DPH6: variants seen among roughly 807,000 people sequenced by gnomAD.
DPH6 encodes diphthine--ammonia ligase.
In DPH6, 33 loss-of-function variants were observed where a neutral mutation model predicts 38.2. The observed-to-expected ratio is 0.86, with a 90% CI of 0.65 to 1.15. DPH6 has a LOEUF of 1.15. Ranked by LOEUF, DPH6 falls within the 50% of genes most tolerant of loss-of-function variation. The probability of loss-of-function intolerance (pLI) is 0.00; values close to 1 mark genes in which losing one functional copy is unlikely to be tolerated. For missense variants in DPH6, 325 were observed against 320.0 expected, an observed-to-expected ratio of 1.02 and a Z score of -0.12; for synonymous variants, 108 against 103.0, an observed-to-expected ratio of 1.05 and a Z score of -0.30.
At chr15:35,537,525 A>G (rs2055188356) in intron 3 of DPH6, among the ~76,000 whole-genome samples, 1 of 152,168 alleles carries the variant, frequency 6.6e-6, no homozygotes, top group Non-Finnish European at 1.5e-5. Context: ...CTTATTAATT[A>G]CCATTTACTG....
At chr15:35,518,429 GA>G (rs573716417) in intron 3 of DPH6, among the ~76,000 whole-genome samples, 73 of 152,002 alleles carry the variant, frequency 4.8e-4, no homozygotes, top group African/African-American at 1.7e-3. Context: ...CCAGATAATT[GA>G]AAAAGTATCC....
In DPH6 at chr15:35,520,199, C is replaced by A. The variant is rs1473908085; in HGVS notation, c.312+18075G>T. The stretch of plus-strand genomic sequence containing the variant: ...ATGACAGCTACAGATCAATCACTCT[C>A]ACGTGAAAGTAAACATGCTACAAAA... On this transcript the variant is annotated intron_variant, in intron 3 of 8. Coordinates refer to ENST00000256538, the MANE Select transcript of DPH6 (RefSeq NM_080650.4). The A allele has an allele frequency of 1.2e-5, 7 of 592,630 alleles. No individual in the cohort carries two copies. The South Asian group carries it at 4.6e-4, about 39-fold the overall frequency. 36.7% of individuals were successfully genotyped at this position (592,630 alleles called of 1,614,324 possible).
intron 6 of DPH6, among the ~76,000 whole-genome samples, chr15:35,398,490 A>G (rs1387403762): frequency 6.6e-6 from 1 of 151,782 alleles, no homozygotes; most frequent in African/African-American, 2.4e-5. Flanking sequence ...GAGCTTCCAG[A>G]TCGCTGATCA....
intron 3 of DPH6, chr15:35,237,976 T>C (rs977424051): frequency 1.7e-5 from 24 of 1,439,864 alleles, no homozygotes; most frequent in Non-Finnish European, 2.2e-5. Flanking sequence ...AGGTTGATGA[T>C]GAGGAAGATG....
chr15:35,386,392 T>C (rs1014457269), intron 6 of DPH6, among the ~76,000 whole-genome samples: 2 of 152,272 alleles, frequency 1.3e-5, no homozygotes, highest in Non-Finnish European at 1.5e-5. Flanking sequence ...CAAATGGTAT[T>C]TCTAGTTCTA....
intron 1 of DPH6, among the ~76,000 whole-genome samples, chr15:35,543,000 A>C (rs2055284652): frequency 8.9e-6 from 1 of 112,976 alleles, no homozygotes; most frequent in African/African-American, 3.2e-5. Flanking sequence ...GGAAAAAAAA[A>C]ACTATTCTCT....
chr15:35,176,653 T>G, the DPH6 span, among the ~76,000 whole-genome samples: 75 of 152,282 alleles, frequency 4.9e-4, no homozygotes, highest in Admixed American at 1.4e-3. Context: ...GTATTTTTAG[T>G]AGAGATGGGG....
intron 3 of DPH6, among the ~76,000 whole-genome samples, chr15:35,278,200 C>G (rs1475437696): frequency 6.6e-6 from 1 of 152,206 alleles, no homozygotes; most frequent in Non-Finnish European, 1.5e-5. Flanking sequence ...GCCAAGGACA[C>G]TGCTGCCCTG....
intron 6 of DPH6, among the ~76,000 whole-genome samples, chr15:35,385,929 T>C (rs2052947791): frequency 6.6e-6 from 1 of 152,026 alleles, no homozygotes; most frequent in African/African-American, 2.4e-5. Flanking sequence ...ATGTGCCATG[T>C]TGGTGTGCTG....
At chr15:35,150,504 A>G in the DPH6 span, among the ~76,000 whole-genome samples, 1 of 152,246 alleles carries the variant, frequency 6.6e-6, no homozygotes, top group Non-Finnish European at 1.5e-5. Flanking sequence ...AATGCTTACA[A>G]ATATAAGAAA....
chr15:35,510,010 G>A (rs182328616), intron 3 of DPH6, among the ~76,000 whole-genome samples: 38 of 152,272 alleles, frequency 2.5e-4, no homozygotes, highest in Admixed American at 8.5e-4. Context: ...GAGGCCACAA[G>A]TTTGAGACCA....
intron 3 of DPH6, among the ~76,000 whole-genome samples, chr15:35,510,402 T>C (rs1358336851): frequency 2.0e-5 from 3 of 152,190 alleles, no homozygotes; most frequent in Non-Finnish European, 2.9e-5. Flanking sequence ...GTATAGGAAA[T>C]TATGGATTTC....
chr15:35,236,040 A>G (rs1005509831), intron 3 of DPH6, among the ~76,000 whole-genome samples: 1 of 152,136 alleles, frequency 6.6e-6, no homozygotes, highest in Admixed American at 6.5e-5. Context: ...TTTCTAATCA[A>G]GTATTTAGAT....
intron 3 of DPH6, among the ~76,000 whole-genome samples, chr15:35,517,711 C>A (rs1304763864): frequency 6.6e-6 from 1 of 151,876 alleles, no homozygotes; most frequent in Non-Finnish European, 1.5e-5. Flanking sequence ...AAAAGCAATA[C>A]AAAACATAAA....
chr15:35,480,771 CCTGT>C (rs1315471944), intron 3 of DPH6, among the ~76,000 whole-genome samples: 1 of 151,748 alleles, frequency 6.6e-6, no homozygotes, highest in African/African-American at 2.4e-5. Context: ...AAGAATTTAT[CCTGT>C]CTTTCTCATA....
In DPH6 at chr15:35,237,667, C is replaced by T. The variant is rs2051563738; in HGVS notation, n.201-17085G>A. ...CAGAGCCACTGAAAAACTTAGAAAA[C>T]CTCAAGAGCTTAGACCTTTTCAATT... On this transcript the variant is annotated intron_variant and non_coding_transcript_variant, in intron 3 of 3. Transcript: ENST00000560386. The T allele has an allele frequency of 5.0e-6, 8 of 1,613,578 alleles. No homozygotes were observed. The South Asian group carries it at 7.7e-5, about 16-fold the overall frequency.
chr15:35,500,652 G>A (rs1025898507), intron 3 of DPH6, among the ~76,000 whole-genome samples: 1 of 152,056 alleles, frequency 6.6e-6, no homozygotes, highest in Non-Finnish European at 1.5e-5. Context: ...ACCCAAATAT[G>A]GGCAAGACAA....
intron 3 of DPH6, chr15:35,298,967 C>T: frequency 2.6e-6 from 2 of 770,328 alleles, no homozygotes; most frequent in Non-Finnish European, 4.8e-6. Context: ...TCTCTCGCTC[C>T]TAATCTTCAT....
chr15:35,169,205 T>C, the DPH6 span, among the ~76,000 whole-genome samples: 60 of 152,258 alleles, frequency 3.9e-4, no homozygotes, highest in African/African-American at 1.4e-3. Context: ...ATTCATATCA[T>C]ATTCATGAAA....
Sources: allele counts gnomAD v4.1 joint callset (sites outside exome capture counted in the v4.1 genomes callset), GRCh38; gene constraint gnomAD v4.1.1; transcripts MANE v1.5; gene names NCBI Gene and HGNC (gene_info 2026-07-23, HGNC 2026-07-21).